GRAMD1B: variants seen among roughly 807,000 people sequenced by gnomAD.
GRAMD1B encodes the protein GRAM domain containing 1B, also known as protein Aster-B.
Under a neutral mutation model 99.7 loss-of-function variants are expected in GRAMD1B, and 37 were observed. The observed-to-expected ratio is 0.37, with a 90% CI of 0.29 to 0.49. The LOEUF is 0.49. Among genes scored for constraint, GRAMD1B ranks in the 20% least tolerant of loss-of-function variants. The probability of loss-of-function intolerance (pLI) is 0.98; values close to 1 mark genes in which losing one functional copy is unlikely to be tolerated. For synonymous variants in GRAMD1B, 427 were observed against 387.6 expected (o/e 1.10, Z -1.19); for missense variants, 888 against 1,009.2 (o/e 0.88, Z 1.63).
intron 1 of GRAMD1B, among the ~76,000 whole-genome samples, chr11:123,394,245 AT>A (rs1360215233): frequency 1.3e-5 from 2 of 152,124 alleles, no homozygotes; most frequent in African/African-American, 2.4e-5. Context: ...TATTCTGTCC[AT>A]TTTTTTATAT....
At chr11:123,463,844 G>A (rs1466197724) in intron 1 of GRAMD1B, among the ~76,000 whole-genome samples, 2 of 152,312 alleles carry the variant, frequency 1.3e-5, no homozygotes, top group African/African-American at 2.4e-5. Context: ...GGGAGCACGA[G>A]CCCCAGAAAG....
intron 7 of GRAMD1B, 93 bp downstream of exon 7, chr11:123,596,130 C>T (rs1357734066): frequency 4.2e-6 from 3 of 715,216 alleles, no homozygotes; most frequent in Admixed American, 2.5e-5. Flanking sequence ...AATGTGGAAG[C>T]CAATAGGATT....
chr11:123,590,470 A>G (rs1202333954), intron 4 of GRAMD1B, among the ~76,000 whole-genome samples: 1 of 152,156 alleles, frequency 6.6e-6, no homozygotes, highest in Non-Finnish European at 1.5e-5. Flanking sequence ...ATTGCAGGAA[A>G]CATCTGCTGG....
chr11:123,553,295 G>T (rs1945809102), intron 2 of GRAMD1B, among the ~76,000 whole-genome samples: 1 of 152,224 alleles, frequency 6.6e-6, no homozygotes, highest in South Asian at 2.1e-4. Flanking sequence ...AAGATTAAAA[G>T]AAAATTGGAA....
intron 2 of GRAMD1B, among the ~76,000 whole-genome samples, chr11:123,528,783 T>C (rs891826773): frequency 6.6e-6 from 1 of 152,226 alleles, no homozygotes; most frequent in Non-Finnish European, 1.5e-5. Context: ...CATTTGATTC[T>C]TACTATAACC....
At chr11:123,498,650 A>G (rs1039984571) in intron 2 of GRAMD1B, among the ~76,000 whole-genome samples, 5 of 152,142 alleles carry the variant, frequency 3.3e-5, no homozygotes, top group Admixed American at 6.5e-5. Flanking sequence ...TTATTCCTCC[A>G]TGGCCATGGG....
chr11:123,378,556 G>C (rs183672898), intron 1 of GRAMD1B, among the ~76,000 whole-genome samples: 1 of 152,188 alleles, frequency 6.6e-6, no homozygotes, highest in Admixed American at 6.5e-5. Flanking sequence ...GAATGTATGG[G>C]GAAATGGTAG....
intron 4 of GRAMD1B, among the ~76,000 whole-genome samples, chr11:123,589,010 T>G (rs1232110338): frequency 1.3e-5 from 2 of 152,020 alleles, no homozygotes; most frequent in Non-Finnish European, 2.9e-5. Flanking sequence ...TATAATATTT[T>G]AAATAATTTT....
intron 1 of GRAMD1B, among the ~76,000 whole-genome samples, chr11:123,466,353 AG>A (rs2134575380): frequency 7.7e-6 from 1 of 129,554 alleles, no homozygotes; most frequent in African/African-American, 3.1e-5. Flanking sequence ...AAGGAAGGAA[AG>A]AAGGAAGGAA....
chr11:123,540,617 C>G (rs1272334227), intron 2 of GRAMD1B, among the ~76,000 whole-genome samples: 2 of 151,128 alleles, frequency 1.3e-5, no homozygotes, highest in East Asian at 3.9e-4. Context: ...TTTTTTAACA[C>G]AAATTATCCA....
upstream of GRAMD1B, among the ~76,000 whole-genome samples, chr11:123,428,098 C>T (rs547532607): frequency 2.6e-5 from 4 of 152,266 alleles, no homozygotes; most frequent in East Asian, 3.9e-4. Flanking sequence ...GGCCTCCAAG[C>T]GAATGGTGGT....
intron 7 of GRAMD1B, among the ~76,000 whole-genome samples, chr11:123,596,913 G>C (rs1951339460): frequency 6.6e-6 from 1 of 152,040 alleles, no homozygotes; most frequent in East Asian, 1.9e-4. Flanking sequence ...TGGATCCTGG[G>C]GCAGCTGCTC....
At chr11:123,599,338 A>G in intron 7 of GRAMD1B, 1 of 700,502 alleles carries the variant, frequency 1.4e-6, no homozygotes, top group South Asian at 1.4e-5. Context: ...CAGTGATCAG[A>G]ATTGATCTGG....
intron 1 of GRAMD1B, among the ~76,000 whole-genome samples, chr11:123,467,841 C>CCTT (rs61266237): frequency 0.47 from 50,768 of 108,556 alleles, 12,778 homozygotes; most frequent in East Asian, 0.76. Flanking sequence ...CTCCCTCCCT[C>CCTT]CCTTCCTTCC....
chr11:123,599,436 TC>T, intron 7 of GRAMD1B: 1 of 644,214 alleles, frequency 1.6e-6, no homozygotes. Flanking sequence ...CTGCTGCTGC[TC>T]CAGTATTGTC....
At chr11:123,380,760 C>G (rs1041509368) in intron 1 of GRAMD1B, among the ~76,000 whole-genome samples, 1 of 152,160 alleles carries the variant, frequency 6.6e-6, no homozygotes, top group Non-Finnish European at 1.5e-5. Flanking sequence ...TTTTGGTCCC[C>G]TTTTGTCCAC....
intron 19 of GRAMD1B, among the ~76,000 whole-genome samples, chr11:123,620,526 A>T (rs1482001523): frequency 6.6e-6 from 1 of 151,696 alleles, no homozygotes. Flanking sequence ...AGCTATCAAG[A>T]CCCAGTTGGA....
At chr11:123,426,199 G>C (rs1339352721), upstream of GRAMD1B, among the ~76,000 whole-genome samples, 2 of 152,178 alleles carry the variant, frequency 1.3e-5, no homozygotes, top group African/African-American at 4.8e-5. Flanking sequence ...CAGTAGTAGG[G>C]TGGGCTGGGC....
chr11:123,428,759 A>G (rs1164254369), upstream of GRAMD1B, among the ~76,000 whole-genome samples: 4 of 152,226 alleles, frequency 2.6e-5, no homozygotes, highest in Non-Finnish European at 2.9e-5. Context: ...CACTTGTGAA[A>G]TGTGACTTTT....
Sources: gnomAD v4.1 joint callset for allele counts (sites outside exome capture counted in the v4.1 genomes callset) on GRCh38, gnomAD v4.1.1 for gene constraint, MANE v1.5 for transcripts, NCBI Gene and HGNC (gene_info 2026-07-23, HGNC 2026-07-21) for gene names.